NAV3: variants seen among roughly 807,000 people sequenced by gnomAD.
NAV3 encodes the protein neuron navigator 3.
Under a neutral mutation model 244.7 loss-of-function variants are expected in NAV3, and 87 were observed. The observed-to-expected ratio is 0.36, with a 90% CI of 0.30 to 0.42. The LOEUF (loss-of-function observed/expected upper bound fraction) is 0.42, where lower values mean the gene tolerates loss of function less well. NAV3 is among the 20% of genes least tolerant of loss of function. NAV3 has a pLI of 1.00. For missense variants in NAV3, 2,663 were observed against 2,893.3 expected (o/e 0.92, Z 1.83); for synonymous variants, 1,126 against 1,042.2 (o/e 1.08, Z -1.55).
intron 31 of NAV3, among the ~76,000 whole-genome samples, chr12:78,187,939 A>T (rs1527092): frequency 6.6e-6 from 1 of 151,916 alleles, no homozygotes; most frequent in Admixed American, 6.6e-5. Context: ...GTATTCTTTC[A>T]GATTCCTTCA....
At chr12:78,192,279 G>A (rs1959016351) in intron 34 of NAV3, among the ~76,000 whole-genome samples, 1 of 152,098 alleles carries the variant, frequency 6.6e-6, no homozygotes, top group Non-Finnish European at 1.5e-5. Context: ...GGCCAGTTCA[G>A]TACTTCATTG....
At chr12:78,160,590 T>G (rs1007964607) in intron 23 of NAV3, among the ~76,000 whole-genome samples, 3 of 152,160 alleles carry the variant, frequency 2.0e-5, no homozygotes, top group Admixed American at 1.3e-4. Context: ...GTTATGTGAT[T>G]AGCTTTACAA....
At chr12:77,861,909 T>C (rs1879312908) in intron 1 of NAV3, among the ~76,000 whole-genome samples, 1 of 151,848 alleles carries the variant, frequency 6.6e-6, no homozygotes. Flanking sequence ...TGAATACATA[T>C]TAGGTAGGAT....
intron 1 of NAV3, among the ~76,000 whole-genome samples, chr12:77,861,686 T>C (rs1183539645): frequency 2.6e-5 from 4 of 151,804 alleles, no homozygotes; most frequent in Admixed American, 1.3e-4. Flanking sequence ...TTTTAAATTG[T>C]TGGGGCTGGG....
intron 1 of NAV3, among the ~76,000 whole-genome samples, chr12:77,837,494 A>T (rs944829595): frequency 1.3e-5 from 2 of 152,126 alleles, no homozygotes; most frequent in Non-Finnish European, 2.9e-5. Context: ...AGTCCTCACA[A>T]TAGCCTTATG....
chr12:77,739,711 T>G (rs1385682252), intron 2 of NAV3, among the ~76,000 whole-genome samples: 1 of 152,146 alleles, frequency 6.6e-6, no homozygotes, highest in African/African-American at 2.4e-5. Flanking sequence ...TTGTGAGAAG[T>G]AAACAGATTT....
chr12:77,634,735 T>G (rs1160822018), intron 2 of NAV3, among the ~76,000 whole-genome samples: 2 of 152,060 alleles, frequency 1.3e-5, no homozygotes, highest in Admixed American at 6.6e-5. Flanking sequence ...AAAAATTCAG[T>G]GGTAATTTTT....
chr12:78,181,421 A>G (rs1011171464), intron 30 of NAV3, among the ~76,000 whole-genome samples: 1 of 152,024 alleles, frequency 6.6e-6, no homozygotes, highest in South Asian at 2.1e-4. Context: ...AGCAGGCTTT[A>G]TTTTCTAAAT....
At chr12:78,061,917 T>C (rs1884383355) in intron 12 of NAV3, among the ~76,000 whole-genome samples, 1 of 152,142 alleles carries the variant, frequency 6.6e-6, no homozygotes, top group African/African-American at 2.4e-5. Context: ...TAGTAGGAAT[T>C]AGAAGACAAT....
intron 1 of NAV3, among the ~76,000 whole-genome samples, chr12:77,885,664 C>T (rs1196402731): frequency 1.3e-5 from 2 of 152,064 alleles, no homozygotes; most frequent in Non-Finnish European, 2.9e-5. Context: ...CCATTTCCTT[C>T]TCTTAGTTTC....
chr12:77,926,528 T>A (rs536524315), intron 1 of NAV3, among the ~76,000 whole-genome samples: 1 of 152,334 alleles, frequency 6.6e-6, no homozygotes, highest in South Asian at 2.1e-4. Context: ...CATGGCTGTT[T>A]TATTACTTTT....
rs1889219762 is a variant in NAV3 at position 77,935,330 on chromosome 12, A to G, written c.244-4989A>G. Among the ~76,000 whole-genome samples, 3 of 152,190 alleles carry G rather than the reference A, an allele frequency of 2.0e-5. No individual in the cohort carries two copies. In the South Asian group the frequency reaches 6.2e-4, roughly 32 times the overall value. ...CTTCTCAAAAGAAATATGGTATCAT[A>G]TATGTTGCCTTCTATTTCATCCTCA... On this transcript the variant is annotated intron_variant, in intron 1 of 39. Coordinates refer to ENST00000397909, the MANE Select transcript of NAV3 (RefSeq NM_001024383.2).
chr12:77,617,687 G>T (rs1405567534), intron 2 of NAV3, among the ~76,000 whole-genome samples: 1 of 152,140 alleles, frequency 6.6e-6, no homozygotes, highest in Non-Finnish European at 1.5e-5. Flanking sequence ...ATGGTGGAGA[G>T]TGAGGGGCTG....
chr12:77,660,616 A>G (rs1370985774), intron 2 of NAV3, among the ~76,000 whole-genome samples: 1 of 152,150 alleles, frequency 6.6e-6, no homozygotes, highest in Non-Finnish European at 1.5e-5. Flanking sequence ...GTATGCATAT[A>G]TATGTATGTA....
At chr12:77,736,387 A>T (rs905138023) in intron 2 of NAV3, among the ~76,000 whole-genome samples, 2 of 152,316 alleles carry the variant, frequency 1.3e-5, no homozygotes, top group East Asian at 3.9e-4. Context: ...ATGATTCTGC[A>T]ACTTTGGCTG....
At chr12:77,667,923 A>C (rs1412712904) in intron 2 of NAV3, among the ~76,000 whole-genome samples, 1 of 152,196 alleles carries the variant, frequency 6.6e-6, no homozygotes, top group African/African-American at 2.4e-5. Context: ...CCACCAGAGC[A>C]GGTGCTGGTA....
rs1288760726 is a variant in NAV3 at position 78,192,501 on chromosome 12, G to C, written c.6291+2282G>C. ...GCTCACTGCAACCTCTGCCTCCTGGGTTCAAGCGATTCTTCTGCCTCAGCC... is the reference window on the plus strand; with the variant it reads ...GCTCACTGCAACCTCTGCCTCCTGGCTTCAAGCGATTCTTCTGCCTCAGCC... On this transcript the variant is annotated intron_variant, in intron 34 of 39. Coordinates refer to ENST00000397909, the MANE Select transcript of NAV3 (RefSeq NM_001024383.2). 2.0e-5 allele frequency among the ~76,000 whole-genome samples: 3 copies of C among 151,652 alleles called. No individual in the cohort carries two copies. The East Asian group carries it at 5.8e-4, about 29-fold the overall frequency.
intron 1 of NAV3, among the ~76,000 whole-genome samples, chr12:77,864,596 C>T (rs1321535933): frequency 6.6e-6 from 1 of 151,954 alleles, no homozygotes; most frequent in Non-Finnish European, 1.5e-5. Flanking sequence ...TAGAAATAGA[C>T]TTCTCTCAGG....
At chr12:77,828,048 A>C (rs1483810474), upstream of NAV3, among the ~76,000 whole-genome samples, 7 of 152,294 alleles carry the variant, frequency 4.6e-5, no homozygotes, top group East Asian at 1.4e-3. Context: ...TGAGTTTTGC[A>C]TCCCCTCCAA....
Sources: gnomAD v4.1 joint callset for allele counts (sites outside exome capture counted in the v4.1 genomes callset) on GRCh38, gnomAD v4.1.1 for gene constraint, MANE v1.5 for transcripts, NCBI Gene and HGNC (gene_info 2026-07-23, HGNC 2026-07-21) for gene names.